TRDN: variants seen among roughly 807,000 people sequenced by gnomAD.
TRDN encodes the protein triadin.
In TRDN, 161 loss-of-function variants were observed where a neutral mutation model predicts 149.7. The observed-to-expected ratio is 1.08, with a 90% confidence interval of 0.95 to 1.23. TRDN has a LOEUF of 1.23. Ranked by LOEUF, TRDN falls within the 50% of genes most tolerant of loss-of-function variation. The pLI is 0.00. For missense variants in TRDN, 896 were observed against 823.5 expected (o/e 1.09, Z -1.08); for synonymous variants, 294 against 250.5 (o/e 1.17, Z -1.64).
At chr6:123,393,812 C>T (rs574361155) in intron 12 of TRDN, 135 bp from the exon 13 acceptor site, 1 of 763,182 alleles carries the variant, frequency 1.3e-6, no homozygotes, top group South Asian at 1.9e-5. Context: ...TTTGTTAAGA[C>T]ATAAACTTAT....
intron 4 of TRDN, among the ~76,000 whole-genome samples, chr6:123,533,848 A>C (rs768345987): frequency 1.3e-5 from 2 of 152,128 alleles, no homozygotes; most frequent in African/African-American, 2.4e-5. Context: ...ATGCTTCATA[A>C]TAAGTTTTAC....
intron 20 of TRDN, among the ~76,000 whole-genome samples, chr6:123,359,614 C>T (rs377076416): frequency 1.2e-4 from 19 of 152,218 alleles, no homozygotes; most frequent in African/African-American, 4.3e-4. Context: ...AAAATATGCT[C>T]AAGAAACAGA....
chr6:123,311,665 G>A (rs538715708), intron 24 of TRDN, among the ~76,000 whole-genome samples: 7 of 152,024 alleles, frequency 4.6e-5, no homozygotes, highest in Admixed American at 2.6e-4. Flanking sequence ...GGTTCTTTAT[G>A]GAAAGGATTG....
At chr6:123,584,481 A>G (rs1382944719) in intron 1 of TRDN, among the ~76,000 whole-genome samples, 2 of 152,066 alleles carry the variant, frequency 1.3e-5, no homozygotes, top group South Asian at 2.1e-4. Context: ...TTCTGACCGC[A>G]CTAACCATGC....
chr6:123,295,526 T>C (rs921478098), intron 24 of TRDN, among the ~76,000 whole-genome samples: 4 of 152,136 alleles, frequency 2.6e-5, no homozygotes. Context: ...ATTTTAAAAT[T>C]GCCAAAAGAA....
chr6:123,455,882 C>A, intron 10 of TRDN, among the ~76,000 whole-genome samples: 1 of 151,922 alleles, frequency 6.6e-6, no homozygotes, highest in East Asian at 1.9e-4. Context: ...CTACATTTTT[C>A]TGTAATTGGA....
intron 38 of TRDN, among the ~76,000 whole-genome samples, chr6:123,246,516 T>C (rs1379909185): frequency 6.6e-6 from 1 of 151,172 alleles, no homozygotes; most frequent in African/African-American, 2.4e-5. Context: ...ACATACACCC[T>C]CCCAAGACCA....
At chr6:123,388,929 T>C (rs1329079743) in intron 13 of TRDN, among the ~76,000 whole-genome samples, 1 of 152,130 alleles carries the variant, frequency 6.6e-6, no homozygotes, top group Non-Finnish European at 1.5e-5. Flanking sequence ...GGAAGTGATA[T>C]TCCAAAAATT....
At chr6:123,418,852 T>C (rs1057247796) in intron 12 of TRDN, among the ~76,000 whole-genome samples, 1 of 152,176 alleles carries the variant, frequency 6.6e-6, no homozygotes, top group Non-Finnish European at 1.5e-5. Context: ...GCTTTTTTTA[T>C]GAGCCTTGAT....
At chr6:123,310,333 G>A (rs759445432) in intron 24 of TRDN, among the ~76,000 whole-genome samples, 5 of 152,002 alleles carry the variant, frequency 3.3e-5, no homozygotes, top group Non-Finnish European at 7.4e-5. Context: ...GTCTGCAGCT[G>A]TGGTTGCCCA....
intron 2 of TRDN, among the ~76,000 whole-genome samples, chr6:123,564,059 T>C (rs1782143020): frequency 1.3e-5 from 2 of 152,224 alleles, no homozygotes; most frequent in South Asian, 2.1e-4. Flanking sequence ...AATGAATACT[T>C]TTTTTCTTTA....
At chr6:123,408,634 C>T (rs866644607) in intron 12 of TRDN, among the ~76,000 whole-genome samples, 4 of 151,074 alleles carry the variant, frequency 2.6e-5, no homozygotes, top group Middle Eastern at 3.2e-3. Flanking sequence ...GCAGAGATCG[C>T]GCCATTGCAC....
chr6:123,221,869 G>A (rs1775160845), intron 39 of TRDN, among the ~76,000 whole-genome samples: 2 of 151,644 alleles, frequency 1.3e-5, no homozygotes, highest in African/African-American at 4.8e-5. Context: ...ATTACAATTT[G>A]GTAAGGGTAA....
At chr6:123,436,592 G>A (rs1774572650) in intron 12 of TRDN, among the ~76,000 whole-genome samples, 1 of 151,776 alleles carries the variant, frequency 6.6e-6, no homozygotes, top group Non-Finnish European at 1.5e-5. Flanking sequence ...CTTCTTTTTA[G>A]GGTCCTCACC....
chr6:123,295,588 G>A (rs568579923), intron 24 of TRDN, among the ~76,000 whole-genome samples: 1 of 152,116 alleles, frequency 6.6e-6, no homozygotes, highest in East Asian at 1.9e-4. Flanking sequence ...TGAGGTGATA[G>A]GTATCTTAAT....
At chr6:123,532,389 A>G (rs765346314) in intron 4 of TRDN, among the ~76,000 whole-genome samples, 4 of 152,030 alleles carry the variant, frequency 2.6e-5, no homozygotes, top group Non-Finnish European at 5.9e-5. Flanking sequence ...TAAAATCACT[A>G]ATTAGTTGAC....
At chr6:123,596,776 G>A (rs1233091907) in intron 1 of TRDN, among the ~76,000 whole-genome samples, 1 of 151,962 alleles carries the variant, frequency 6.6e-6, no homozygotes, top group Non-Finnish European at 1.5e-5. Flanking sequence ...ATGACAGCAC[G>A]TCTGTTTACT....
intron 2 of TRDN, among the ~76,000 whole-genome samples, chr6:123,567,483 C>T (rs1358783886): frequency 6.6e-6 from 1 of 152,110 alleles, no homozygotes; most frequent in Non-Finnish European, 1.5e-5. Context: ...ATTTGGCTCA[C>T]ACTTCTGCAG....
At chr6:123,477,148 G>A (rs200045030) in intron 9 of TRDN, among the ~76,000 whole-genome samples, 64 of 139,642 alleles carry the variant, frequency 4.6e-4, no homozygotes, top group African/African-American at 7.8e-4. Flanking sequence ...GAAAATTTTC[G>A]CAACCTACTC....
Sources: allele counts gnomAD v4.1 joint callset (sites outside exome capture counted in the v4.1 genomes callset), GRCh38; gene constraint gnomAD v4.1.1; transcripts MANE v1.5; gene names NCBI Gene and HGNC (gene_info 2026-07-23, HGNC 2026-07-21).